ALK: variants seen among roughly 807,000 people sequenced by gnomAD.
ALK encodes the protein ALK tyrosine kinase receptor.
Under a neutral mutation model 163.1 loss-of-function variants are expected in ALK, and 74 were observed. The ratio of observed to expected loss-of-function variants is 0.45; its 90% CI spans 0.38 to 0.55. ALK has a LOEUF of 0.55. ALK is among the 20% of genes least tolerant of loss of function. The pLI is 0.00. For missense variants in ALK, 2,063 were observed against 2,105.3 expected, an observed-to-expected ratio of 0.98 and a Z score of 0.39; for synonymous variants, 960 against 843.2, an observed-to-expected ratio of 1.14 and a Z score of -2.40.
intron 3 of ALK, among the ~76,000 whole-genome samples, chr2:29,537,104 A>G (rs1445847608): frequency 6.6e-6 from 1 of 152,240 alleles, no homozygotes; most frequent in East Asian, 1.9e-4. Context: ...CAGGTAGTAG[A>G]AAGGAAAAGA....
chr2:29,394,483 A>T (rs1424939114), intron 4 of ALK, among the ~76,000 whole-genome samples: 1 of 152,100 alleles, frequency 6.6e-6, no homozygotes, highest in Non-Finnish European at 1.5e-5. Flanking sequence ...AGCATCCCTC[A>T]CCAGGGAGCT....
At chr2:29,353,034 A>G (rs994456083) in intron 5 of ALK, among the ~76,000 whole-genome samples, 2 of 152,254 alleles carry the variant, frequency 1.3e-5, no homozygotes, top group African/African-American at 4.8e-5. Flanking sequence ...CTGCCTTTGT[A>G]GGACTAACAG....
At chr2:29,341,025 C>T (rs1421125184) in intron 5 of ALK, among the ~76,000 whole-genome samples, 2 of 152,212 alleles carry the variant, frequency 1.3e-5, no homozygotes, top group Non-Finnish European at 2.9e-5. Context: ...AGAACAACAC[C>T]TAGCACCTGG....
At chr2:29,255,969 A>C (rs1383612534) in intron 11 of ALK, among the ~76,000 whole-genome samples, 1 of 152,180 alleles carries the variant, frequency 6.6e-6, no homozygotes, top group East Asian at 1.9e-4. Flanking sequence ...AGCAGGAAGA[A>C]TCTGGCAGGT....
chr2:29,723,975 G>A (rs912932167), intron 1 of ALK, among the ~76,000 whole-genome samples: 6 of 152,174 alleles, frequency 3.9e-5, no homozygotes, highest in African/African-American at 9.7e-5. Flanking sequence ...AATTGCAGCC[G>A]ATTGGCACTG....
At chr2:29,916,307 C>A (rs192949161) in intron 1 of ALK, among the ~76,000 whole-genome samples, 1 of 152,212 alleles carries the variant, frequency 6.6e-6, no homozygotes, top group African/African-American at 2.4e-5. Context: ...AACTCCTCTC[C>A]TTCACTGCCA....
intron 5 of ALK, among the ~76,000 whole-genome samples, chr2:29,368,472 T>G (rs78900982): frequency 0.076 from 11,573 of 152,258 alleles, 521 homozygotes; most frequent in Non-Finnish European, 0.11. Flanking sequence ...AAATAAAATT[T>G]TCAAAAATCC....
chr2:29,643,352 T>A (rs6755254), intron 3 of ALK, among the ~76,000 whole-genome samples: 94,158 of 152,036 alleles, frequency 0.62, 30,085 homozygotes, highest in East Asian at 0.73. Context: ...TTGACTTGAG[T>A]GGCCCCTGCA....
intron 1 of ALK, among the ~76,000 whole-genome samples, chr2:29,743,471 A>C (rs1680117792): frequency 6.6e-6 from 1 of 152,210 alleles, no homozygotes; most frequent in Non-Finnish European, 1.5e-5. Flanking sequence ...TCAAAAGAAA[A>C]GCTATCCCCT....
chr2:29,723,706 G>T (rs1386039883), intron 1 of ALK, among the ~76,000 whole-genome samples: 2 of 152,192 alleles, frequency 1.3e-5, no homozygotes, highest in Non-Finnish European at 2.9e-5. Flanking sequence ...AATTCTCAGG[G>T]TTTTGTAAGG....
chr2:29,706,737 G>C (rs1678921443), intron 2 of ALK, among the ~76,000 whole-genome samples: 1 of 152,162 alleles, frequency 6.6e-6, no homozygotes, highest in South Asian at 2.1e-4. Flanking sequence ...GTTACAGATA[G>C]AAAAACAGGA....
intron 4 of ALK, among the ~76,000 whole-genome samples, chr2:29,441,330 G>C (rs1044344189): frequency 1.3e-5 from 2 of 152,232 alleles, no homozygotes; most frequent in African/African-American, 4.8e-5. Flanking sequence ...ATCACAGAGT[G>C]GGCATTAGCC....
intron 1 of ALK, among the ~76,000 whole-genome samples, chr2:29,911,793 A>T (rs1032959922): frequency 2.0e-5 from 3 of 152,260 alleles, no homozygotes; most frequent in Non-Finnish European, 2.9e-5. Flanking sequence ...AATTCTTAAG[A>T]GGAAAGATAT....
intron 4 of ALK, among the ~76,000 whole-genome samples, chr2:29,475,059 A>G (rs544520760): frequency 6.6e-5 from 10 of 152,200 alleles, no homozygotes; most frequent in Admixed American, 5.2e-4. Flanking sequence ...CCTTCTTCTT[A>G]TCTCCTCCAC....
chr2:29,679,967 T>C (rs1387458889), intron 3 of ALK, among the ~76,000 whole-genome samples: 8 of 152,046 alleles, frequency 5.3e-5, no homozygotes, highest in African/African-American at 9.7e-5. Flanking sequence ...TATCAAAAAC[T>C]TGTTGACATT....
rs116946032 is a variant in ALK at position 29,900,763 on chromosome 2, C to T, written c.667+19230G>A. On this transcript the variant is annotated intron_variant, in intron 1 of 28. Coordinates refer to ENST00000389048, the MANE Select transcript of ALK (RefSeq NM_004304.5). ...TCTGCTGCTTCATCACTCTCCTCAT[C>T]CTTTAACCCCTCCACCTCAAGAGAG... Among the ~76,000 whole-genome samples, 174 of 152,270 alleles carry T rather than the reference C, an allele frequency of 1.1e-3. 4 individuals are homozygous for T. The highest frequency in any genetic ancestry group is 9.1e-3 in the Admixed American group (139 of 15,300).
intron 4 of ALK, among the ~76,000 whole-genome samples, chr2:29,490,762 A>G (rs1240793699): frequency 1.3e-5 from 2 of 152,250 alleles, no homozygotes; most frequent in Non-Finnish European, 2.9e-5. Context: ...AGTCATTAAA[A>G]AGTTATGCTG....
At chr2:29,375,669 A>T (rs1425593242) in intron 5 of ALK, among the ~76,000 whole-genome samples, 1 of 152,160 alleles carries the variant, frequency 6.6e-6, no homozygotes, top group Non-Finnish European at 1.5e-5. Flanking sequence ...TCTATGTTCC[A>T]GTTATGAGGG....
chr2:29,246,577 G>T lies in ALK; in HGVS notation c.2204+4528C>A, dbSNP rs1664676409. Among the ~76,000 whole-genome samples the T allele has an allele frequency of 6.6e-6, 1 of 152,168 alleles. No homozygotes were observed. The highest frequency in any genetic ancestry group is 1.5e-5 in the Non-Finnish European group (1 of 68,026). ...GCTGCCCTGGCCTTGCCTGTTCTCAGCCAAGCTCGTGGGAGAGTGGCTGCG... is the reference window on the plus strand; with the variant it reads ...GCTGCCCTGGCCTTGCCTGTTCTCATCCAAGCTCGTGGGAGAGTGGCTGCG... On this transcript the variant is annotated intron_variant, in intron 12 of 28. Transcript: ENST00000389048. This position sits in a 1 kb window ranked among gnomAD's most constrained non-coding sequence, Gnocchi z 4.3.
Sources: gnomAD v4.1 joint callset for allele counts (sites outside exome capture counted in the v4.1 genomes callset) on GRCh38, gnomAD v4.1.1 for gene constraint, Gnocchi (gnomAD v3.1) non-coding constraint, MANE v1.5 for transcripts, NCBI Gene and HGNC (gene_info 2026-07-23, HGNC 2026-07-21) for gene names.